ANKRD36: variants seen among roughly 807,000 people sequenced by gnomAD.
ANKRD36 encodes the protein ankyrin repeat domain 36.
Under a neutral mutation model 278.1 loss-of-function variants are expected in ANKRD36, and 179 were observed. The observed-to-expected ratio is 0.64, with a 90% CI of 0.57 to 0.73. ANKRD36 has a LOEUF of 0.73. ANKRD36 is among the 30% of genes least tolerant of loss of function. ANKRD36 has a pLI of 0.00. For synonymous variants in ANKRD36, 320 were observed against 641.1 expected, an observed-to-expected ratio of 0.50 and a Z score of 7.57; for missense variants, 1,159 against 1,956.7, an observed-to-expected ratio of 0.59 and a Z score of 7.69.
chr2:97,197,073 T>C (rs1328538591), intron 42 of ANKRD36, among the ~76,000 whole-genome samples: 21 of 152,024 alleles, frequency 1.4e-4, no homozygotes, highest in African/African-American at 3.6e-4. Context: ...TTGCTTTAAT[T>C]CTCCAGCTTG....
Position 97,205,960 on chromosome 2 carries a change from A to G in ANKRD36, c.3082A>G (p.Thr1028Ala), listed in dbSNP as rs769107949. 14 of 1,556,252 alleles carry G rather than the reference A, an allele frequency of 9.0e-6. 1 individual carries two copies. The highest frequency in any genetic ancestry group is 4.7e-5 in the East Asian group (2 of 42,318). Reference sequence around the variant, plus strand: ...TTCAGTGTCTTCTCAGAAACCACCAACCTTGAAGGTAATGAAACTCCCATT... The same window carrying G: ...TTCAGTGTCTTCTCAGAAACCACCAGCCTTGAAGGTAATGAAACTCCCATT... ...TRTVSSQKPP[T>A]LKATSDEEDS... The change falls in exon 51 of 76, where the codon ACC becomes GCC. Residue 1028 changes from threonine to alanine, a missense_variant. Physicochemically the swap from Thr to Ala is moderately conservative, Grantham distance 58 (BLOSUM62 0). Transcript: ENST00000420699.
chr2:97,155,099 A>G (rs2047137957), intron 15 of ANKRD36, among the ~76,000 whole-genome samples: 1 of 138,680 alleles, frequency 7.2e-6, no homozygotes, highest in African/African-American at 2.5e-5. Context: ...GTTGTATATC[A>G]TATGAGTATG....
Position 97,193,407 on chromosome 2 carries a change from G to A in ANKRD36, c.2449+354G>A, listed in dbSNP as rs561575579. Among the ~76,000 whole-genome samples, 6 of 135,822 alleles carry A rather than the reference G, an allele frequency of 4.4e-5. 1 individual carries two copies. The highest frequency in any genetic ancestry group is 2.0e-4 in the East Asian group (1 of 4,898). 89.1% of individuals were successfully genotyped at this position (135,822 alleles called of 152,430 possible). ...GTATAGAATTTACACACTTCAGCTC[G>A]CACTGCCAAGAAAAGACAGAAAGCT... On this transcript the variant is annotated intron_variant, in intron 38 of 75. Transcript: ENST00000420699.
rs572211672 is a variant in ANKRD36, at chr2:97,155,303, A to C, written c.1260+562A>C. ...TGGTTCTATATATTTAGGCTAAAAT[A>C]ATATTACAAATTGTGGAAATTTAAC... On this transcript the variant is annotated intron_variant, in intron 15 of 75. Transcript: ENST00000420699. Among the ~76,000 whole-genome samples, 35 of 144,054 alleles carry C rather than the reference A, an allele frequency of 2.4e-4. 4 individuals are homozygous for C. The highest frequency in any genetic ancestry group is 1.4e-3 in the Admixed American group (20 of 14,476). 94.5% of individuals were successfully genotyped at this position (144,054 alleles called of 152,430 possible). A position where few individuals can be genotyped will look rare whatever the true frequency, so the allele number is the denominator to read the frequency against.
intron 15 of ANKRD36, among the ~76,000 whole-genome samples, chr2:97,157,272 C>T (rs944946555): frequency 7.4e-5 from 11 of 148,002 alleles, no homozygotes; most frequent in Non-Finnish European, 1.5e-4. Context: ...AACAAATTGT[C>T]GAATAAATGC....
At chr2:97,134,131 G>C (rs1263291110) in intron 6 of ANKRD36, among the ~76,000 whole-genome samples, 1 of 151,972 alleles carries the variant, frequency 6.6e-6, no homozygotes, top group Non-Finnish European at 1.5e-5. Context: ...GATATGTCCA[G>C]CATAGTCATA....
At chr2:97,138,469 T>C (rs981695945) in intron 6 of ANKRD36, among the ~76,000 whole-genome samples, 7 of 152,076 alleles carry the variant, frequency 4.6e-5, no homozygotes, top group African/African-American at 1.7e-4. Context: ...TCCATGCTCA[T>C]AGTTAGGAAG....
In ANKRD36 at chr2:97,181,202, A is replaced by T. The variant is rs117808941; in HGVS notation, c.1736-396A>T. On this transcript the variant is annotated intron_variant, in intron 24 of 75. Transcript: ENST00000420699. ...AAAGGGCATGATGAATGTTTGAAGT[A>T]TAATGGTGTAAATCCTTCTGATTTC... is the stretch of plus-strand genomic sequence containing the variant. Among the ~76,000 whole-genome samples, 1,045 of 151,808 alleles carry T rather than the reference A, an allele frequency of 6.9e-3. 53 individuals carry two copies. The East Asian group carries it at 0.11, about 16-fold the overall frequency.
At chr2:97,226,423 C>A (rs2069655595) in intron 67 of ANKRD36, among the ~76,000 whole-genome samples, 1 of 150,630 alleles carries the variant, frequency 6.6e-6, no homozygotes, top group African/African-American at 2.4e-5. Flanking sequence ...TAAATGTCTT[C>A]TTTTGAGAAG....
At chr2:97,221,678 GCC>G (rs2067729810) in intron 66 of ANKRD36, among the ~76,000 whole-genome samples, 1 of 150,540 alleles carries the variant, frequency 6.6e-6, no homozygotes, top group Non-Finnish European at 1.5e-5. Flanking sequence ...CTGGATATTA[GCC>G]CTTTGTCAGA....
chr2:97,118,102 A>C lies in ANKRD36; in HGVS notation c.236A>C (p.Glu79Ala). Residue 79 changes from glutamate to alanine, a missense_variant, in exon 2 of 76, where the codon GAA becomes GCA. Glu to Ala is a moderately radical substitution (Grantham distance 107, BLOSUM62 -1). Coordinates refer to ENST00000420699, the MANE Select transcript of ANKRD36 (RefSeq NM_001354587.1). The part of the protein sequence containing the change: ...LHLACATGQP[E>A]MVHLLVSRRC... ...TTGGCCTGTGCCACTGGCCAACCGGAAATGGTACATCTCCTGGTGTCCAGA... is the reference window on the plus strand; with the variant it reads ...TTGGCCTGTGCCACTGGCCAACCGGCAATGGTACATCTCCTGGTGTCCAGA... 1 of 1,557,962 alleles carries C rather than the reference A, an allele frequency of 6.4e-7. No individual in the cohort carries two copies. Among genetic ancestry groups the C allele is most frequent in the Non-Finnish European group, 8.7e-7 (1 of 1,150,096 alleles).
chr2:97,260,814 T>G (rs1183405569), intron 75 of ANKRD36, among the ~76,000 whole-genome samples: 1 of 103,952 alleles, frequency 9.6e-6, no homozygotes, highest in Non-Finnish European at 1.7e-5. Context: ...CTAGATCTTC[T>G]GGATAACTTG....
chr2:97,132,722 T>G (rs1277720081), intron 6 of ANKRD36, among the ~76,000 whole-genome samples: 1 of 152,042 alleles, frequency 6.6e-6, no homozygotes, highest in Non-Finnish European at 1.5e-5. Flanking sequence ...TTTGATTTGT[T>G]ACAGTGAAAG....
rs552993731 is a variant in ANKRD36 at position 97,157,280 on chromosome 2, T to C, written c.1261-827T>C. Among the ~76,000 whole-genome samples, 16 of 149,336 alleles carry C rather than the reference T, an allele frequency of 1.1e-4. No individual in the cohort carries two copies. The South Asian group carries it at 3.2e-3, about 30-fold the overall frequency. ...TACACAAAACAAATTGTCGAATAAA[T>C]GCTAACCAGTATTATTAGGCATATA... On this transcript the variant is annotated intron_variant, in intron 15 of 75. Coordinates refer to ENST00000420699, the MANE Select transcript of ANKRD36 (RefSeq NM_001354587.1).
chr2:97,165,910 C>T (rs1341463940), intron 20 of ANKRD36, among the ~76,000 whole-genome samples: 1 of 152,276 alleles, frequency 6.6e-6, no homozygotes. Flanking sequence ...TCACTTAATG[C>T]TCTCATTTTT....
chr2:97,173,842 A>G (rs902067388), intron 22 of ANKRD36, among the ~76,000 whole-genome samples: 2 of 151,674 alleles, frequency 1.3e-5, no homozygotes, highest in Non-Finnish European at 2.9e-5. Context: ...CATCAGTGAT[A>G]CATGCTTTGT....
chr2:97,190,266 A>G (rs57861259), intron 34 of ANKRD36, among the ~76,000 whole-genome samples: 2,772 of 94,218 alleles, frequency 0.029, 237 homozygotes, highest in African/African-American at 0.068. Context: ...AAGTATGTCA[A>G]AATTGATAAT....
intron 6 of ANKRD36, among the ~76,000 whole-genome samples, chr2:97,132,990 A>G (rs1379497062): frequency 6.6e-6 from 1 of 152,128 alleles, no homozygotes; most frequent in Non-Finnish European, 1.5e-5. Flanking sequence ...CCACACTTCC[A>G]GAAGAAAAGC....
rs770051110 is a variant in ANKRD36 at position 97,124,584 on chromosome 2, G to A, written c.718G>A (p.Ala240Thr). Residue 240 changes from alanine (A) to threonine (T), a missense_variant, in exon 5 of 76, where the codon GCT (alanine) becomes ACT (threonine). Coordinates refer to ENST00000420699, the MANE Select transcript of ANKRD36 (RefSeq NM_001354587.1). ...GATTGCAGGAGATTATGCCATTGAG[G>A]CTAAGAATAGAGTGTAAGTCTTTAC... ...RKIAGDYAIE[A>T]KNRVIFDLIY... 220 of 1,551,456 alleles carry A rather than the reference G, an allele frequency of 1.4e-4. No individual in the cohort carries two copies. Among genetic ancestry groups the A allele is most frequent in the Non-Finnish European group, 1.8e-4 (209 of 1,146,670 alleles).
Sources: allele counts gnomAD v4.1 joint callset (sites outside exome capture counted in the v4.1 genomes callset), GRCh38; gene constraint gnomAD v4.1.1; transcripts MANE v1.5; gene names NCBI Gene and HGNC (gene_info 2026-07-23, HGNC 2026-07-21).